Variants in PIGL observed in about 807,000 individuals in gnomAD.
The protein encoded by PIGL is phosphatidylinositol glycan anchor biosynthesis class L, also known as N-acetylglucosaminyl-phosphatidylinositol de-N-acetylase.
In PIGL, 22 loss-of-function variants were observed where a neutral mutation model predicts 31.1. The ratio of observed to expected loss-of-function variants is 0.71; its 90% CI spans 0.51 to 1.01. The LOEUF (loss-of-function observed/expected upper bound fraction) is 1.01, where lower values mean the gene tolerates loss of function less well. PIGL is among the 50% of genes least tolerant of loss of function. PIGL has a pLI of 0.00. For synonymous variants in PIGL, 131 were observed against 117.4 expected (o/e 1.12, Z -0.75); for missense variants, 302 against 315.9 (o/e 0.96, Z 0.33).
chr17:16,240,018 C>T (rs1262002078), intron 2 of PIGL, among the ~76,000 whole-genome samples: 2 of 152,064 alleles, frequency 1.3e-5, no homozygotes, highest in East Asian at 3.8e-4. Context: ...AACTGTAATC[C>T]TAACATTGGA....
chr17:16,217,502 A>C (rs1301528544), intron 1 of PIGL, 41 bp downstream of exon 1: 2 of 1,503,206 alleles, frequency 1.3e-6, no homozygotes, highest in African/African-American at 2.7e-5. Context: ...CGGGGCTTTG[A>C]AAGGGATTTA....
chr17:16,251,973 C>T (rs2092773663), intron 2 of PIGL, among the ~76,000 whole-genome samples: 1 of 151,336 alleles, frequency 6.6e-6, no homozygotes, highest in Non-Finnish European at 1.5e-5. Flanking sequence ...TTTTGTGCTT[C>T]TTAACATATT....
At chr17:16,272,619 C>T (rs534373415) in intron 2 of PIGL, among the ~76,000 whole-genome samples, 1 of 152,318 alleles carries the variant, frequency 6.6e-6, no homozygotes, top group East Asian at 1.9e-4. Flanking sequence ...TACTACTTCT[C>T]GCTGCCATTG....
At chr17:16,220,480 A>ATTTATTTATTTTTTTTT (rs2092622445) in intron 1 of PIGL, among the ~76,000 whole-genome samples, 1 of 57,194 alleles carries the variant, frequency 1.7e-5, no homozygotes, top group Non-Finnish European at 4.0e-5. Context: ...TTAAATTGTT[A>ATTTATTTATTTTTTTTT]TTTTTTTTTT....
chr17:16,242,644 CTTTTTTTTTTTT>C (rs35572629), intron 2 of PIGL, among the ~76,000 whole-genome samples: 23 of 79,060 alleles, frequency 2.9e-4, no homozygotes, highest in African/African-American at 1.1e-3. Flanking sequence ...TTTCTGATTC[CTTTTTTTTTTTT>C]TTTTTTTTTT....
chr17:16,295,948 A>G (rs1243168250), intron 2 of PIGL, among the ~76,000 whole-genome samples: 1 of 152,180 alleles, frequency 6.6e-6, no homozygotes, highest in Non-Finnish European at 1.5e-5. Flanking sequence ...TCTCAAAAAT[A>G]AATAAATAAA....
At chr17:16,302,182 T>C (rs1311201763) in intron 3 of PIGL, among the ~76,000 whole-genome samples, 1 of 152,146 alleles carries the variant, frequency 6.6e-6, no homozygotes, top group African/African-American at 2.4e-5. Flanking sequence ...CTCATCTCCA[T>C]CTTTCTCTGC....
chr17:16,254,372 G>A (rs182077166), intron 2 of PIGL, among the ~76,000 whole-genome samples: 50 of 151,960 alleles, frequency 3.3e-4, no homozygotes, highest in African/African-American at 9.6e-4. Flanking sequence ...GGGTTCAAGC[G>A]ATTCTCCTAC....
At chr17:16,218,135 AAT>A (rs1316392288) in intron 1 of PIGL, 1 of 152,226 alleles carries the variant, frequency 6.6e-6, no homozygotes, top group Non-Finnish European at 1.5e-5. Context: ...TAAATGAAGT[AAT>A]TGAATTGTAC....
intron 2 of PIGL, among the ~76,000 whole-genome samples, chr17:16,257,262 C>G (rs1460416804): frequency 6.6e-6 from 1 of 151,540 alleles, no homozygotes; most frequent in Non-Finnish European, 1.5e-5. Context: ...ACTAAAAATA[C>G]AAAAATTAGC....
At chr17:16,317,574 A>C in intron 5 of PIGL, 4 of 1,368,974 alleles carry the variant, frequency 2.9e-6, no homozygotes, top group Non-Finnish European at 3.8e-6. Context: ...GTAGCCAGCC[A>C]GGTCTTCTAT....
chr17:16,234,984 A>C (rs535722227), intron 2 of PIGL, among the ~76,000 whole-genome samples: 1 of 152,284 alleles, frequency 6.6e-6, no homozygotes, highest in East Asian at 1.9e-4. Context: ...CTGATTATCG[A>C]GACTTTACTA....
At chr17:16,261,995 G>A (rs2092821043) in intron 2 of PIGL, among the ~76,000 whole-genome samples, 1 of 151,236 alleles carries the variant, frequency 6.6e-6, no homozygotes, top group South Asian at 2.1e-4. Context: ...GGCCAAGGCC[G>A]GCAGATCACT....
At chr17:16,252,075 T>C (rs1046688929) in intron 2 of PIGL, among the ~76,000 whole-genome samples, 2 of 150,432 alleles carry the variant, frequency 1.3e-5, no homozygotes, top group Admixed American at 6.6e-5. Flanking sequence ...CCTTTTTTTT[T>C]TTTTCTTTTT....
chr17:16,243,252 G>T (rs1390890310), intron 2 of PIGL, among the ~76,000 whole-genome samples: 1 of 152,156 alleles, frequency 6.6e-6, no homozygotes, highest in East Asian at 1.9e-4. Flanking sequence ...GTTTCACCAT[G>T]TTGGCCAGGC....
In PIGL at chr17:16,255,915, T is replaced by C. The variant is rs550747284; in HGVS notation, c.335+21845T>C. Reference sequence around the variant, plus strand: ...GAGACCAAAGTAGACCTAGCTGATATGGAGCTGTTATGTGAAAACTGAAAG... The same window carrying C: ...GAGACCAAAGTAGACCTAGCTGATACGGAGCTGTTATGTGAAAACTGAAAG... On this transcript the variant is annotated intron_variant, in intron 2 of 6. Coordinates refer to ENST00000225609, the MANE Select transcript of PIGL (RefSeq NM_004278.4). 1.5e-4 allele frequency among the ~76,000 whole-genome samples: 23 copies of C among 152,282 alleles called. No individual in the cohort carries two copies. The South Asian group carries it at 2.7e-3, about 18-fold the overall frequency.
chr17:16,238,067 G>A (rs1295783971), intron 2 of PIGL, among the ~76,000 whole-genome samples: 1 of 151,468 alleles, frequency 6.6e-6, no homozygotes, highest in Admixed American at 6.6e-5. Context: ...GTGGAGGCAC[G>A]CGCCTGTAAT....
chr17:16,294,638 TCGC>T (rs1431341265), intron 2 of PIGL, among the ~76,000 whole-genome samples: 1 of 152,172 alleles, frequency 6.6e-6, no homozygotes, highest in Non-Finnish European at 1.5e-5. Context: ...GAGTAAGACA[TCGC>T]CTCTATCTTA....
At chr17:16,318,407 A>C (rs1201650943) in intron 6 of PIGL, among the ~76,000 whole-genome samples, 3 of 151,610 alleles carry the variant, frequency 2.0e-5, no homozygotes, top group Non-Finnish European at 4.4e-5. Flanking sequence ...AGTAGCTGGG[A>C]TTACAGGCAC....
Sources: allele counts gnomAD v4.1 joint callset (sites outside exome capture counted in the v4.1 genomes callset), GRCh38; gene constraint gnomAD v4.1.1; transcripts MANE v1.5; gene names NCBI Gene and HGNC (gene_info 2026-07-23, HGNC 2026-07-21).